EYS: variants seen among roughly 807,000 people sequenced by gnomAD.
The protein encoded by EYS is protein eyes shut homolog.
Under a neutral mutation model 282.1 loss-of-function variants are expected in EYS, and 250 were observed. The ratio of observed to expected loss-of-function variants is 0.89; its 90% CI spans 0.80 to 0.98. The LOEUF (loss-of-function observed/expected upper bound fraction) is 0.98. EYS is among the 50% of genes least tolerant of loss of function. The pLI, the probability that EYS is intolerant of heterozygous loss-of-function variation, is 0.00. For missense variants in EYS, 4,016 were observed against 3,709.0 expected (o/e 1.08, Z -2.15); for synonymous variants, 1,355 against 1,282.9 (o/e 1.06, Z -1.20).
chr6:65,393,938 C>A (rs1000292414), intron 7 of EYS, among the ~76,000 whole-genome samples: 10 of 151,952 alleles, frequency 6.6e-5, no homozygotes, highest in African/African-American at 1.4e-4. Context: ...GCTTAGAAAG[C>A]AAAATTCTCT....
intron 22 of EYS, among the ~76,000 whole-genome samples, chr6:64,725,200 G>A (rs1395043626): frequency 6.6e-6 from 1 of 152,076 alleles, no homozygotes; most frequent in East Asian, 1.9e-4. Flanking sequence ...GTTCCCTTTG[G>A]ACCACGATGT....
intron 31 of EYS, among the ~76,000 whole-genome samples, chr6:64,145,422 A>G (rs745350670): frequency 6.6e-6 from 1 of 152,232 alleles, no homozygotes; most frequent in Non-Finnish European, 1.5e-5. Flanking sequence ...TAGAAATAAA[A>G]GTGTGATTAC....
In EYS at chr6:65,425,275, G is replaced by A. The variant is rs575913316; in HGVS notation, c.863-19908C>T. ...GATGTGTTCTCCATGATCATGAAGA[G>A]AATTAATATAGTCAATTTTAAATAG... On this transcript the variant is annotated intron_variant, in intron 5 of 42. Coordinates refer to ENST00000503581, the MANE Select transcript of EYS (RefSeq NM_001142800.2). Among the ~76,000 whole-genome samples the A allele has an allele frequency of 2.6e-5, 4 of 152,168 alleles. No homozygotes were observed. The East Asian group carries it at 7.7e-4, about 29-fold the overall frequency.
intron 13 of EYS, among the ~76,000 whole-genome samples, chr6:65,038,357 CCTTTT>C (rs1772832007): frequency 6.6e-6 from 1 of 150,932 alleles, no homozygotes; most frequent in Admixed American, 6.6e-5. Flanking sequence ...ATAATAGGTC[CCTTTT>C]CTTTTATCTT....
chr6:64,723,246 C>T (rs150448844), intron 22 of EYS, among the ~76,000 whole-genome samples: 92 of 152,226 alleles, frequency 6.0e-4, no homozygotes, highest in African/African-American at 2.1e-3. Context: ...TTATCCTTGT[C>T]AGTCACATGT....
chr6:65,388,652 G>A (rs1259380932), intron 7 of EYS, among the ~76,000 whole-genome samples: 1 of 152,074 alleles, frequency 6.6e-6, no homozygotes, highest in African/African-American at 2.4e-5. Context: ...GATGGTGGCA[G>A]AGAGATAGGC....
At chr6:64,957,473 T>TAA (rs568593684) in intron 14 of EYS, among the ~76,000 whole-genome samples, 1 of 142,928 alleles carries the variant, frequency 7.0e-6, no homozygotes, top group Non-Finnish European at 1.5e-5. Flanking sequence ...GGTTAATGGA[T>TAA]AAAAAAAAAA....
At chr6:64,572,034 A>C (rs189728151) in intron 26 of EYS, among the ~76,000 whole-genome samples, 7 of 152,266 alleles carry the variant, frequency 4.6e-5, no homozygotes, top group Admixed American at 1.3e-4. Flanking sequence ...AATCCTCAAG[A>C]AAATACCGGC....
intron 15 of EYS, among the ~76,000 whole-genome samples, chr6:64,919,042 T>C (rs920930907): frequency 6.6e-6 from 1 of 152,194 alleles, no homozygotes; most frequent in African/African-American, 2.4e-5. Context: ...TTTTATAGAA[T>C]CTTAGGTACA....
chr6:64,585,849 C>T (rs1350975094), intron 26 of EYS, among the ~76,000 whole-genome samples: 2 of 151,916 alleles, frequency 1.3e-5, no homozygotes, highest in East Asian at 3.9e-4. Context: ...CTTATTTGGC[C>T]TTGTTTGGAA....
chr6:65,492,706 C>T (rs952694165), intron 4 of EYS, among the ~76,000 whole-genome samples: 12 of 152,166 alleles, frequency 7.9e-5, no homozygotes, highest in Non-Finnish European at 1.6e-4. Flanking sequence ...AGAGGTATAA[C>T]TTGCACCTTC....
chr6:63,987,571 G>A (rs141578699), intron 34 of EYS, among the ~76,000 whole-genome samples: 21 of 151,776 alleles, frequency 1.4e-4, no homozygotes, highest in African/African-American at 4.8e-4. Flanking sequence ...TAAATAATCT[G>A]GAAATAAGAC....
chr6:64,924,727 T>C (rs911661794), intron 15 of EYS, among the ~76,000 whole-genome samples: 3 of 152,140 alleles, frequency 2.0e-5, no homozygotes, highest in Admixed American at 6.5e-5. Flanking sequence ...AGGGGCAAAA[T>C]TCCACCAGTC....
At chr6:64,863,304 C>A (rs756455608) in intron 19 of EYS, among the ~76,000 whole-genome samples, 2 of 152,080 alleles carry the variant, frequency 1.3e-5, no homozygotes, top group African/African-American at 4.8e-5. Context: ...TCTGTTGAGA[C>A]TTTTACCTAT....
chr6:64,483,429 T>C (rs933415280), intron 26 of EYS, among the ~76,000 whole-genome samples: 1 of 151,732 alleles, frequency 6.6e-6, no homozygotes, highest in Non-Finnish European at 1.5e-5. Context: ...CAGTGGCTTC[T>C]TTCATGTGAA....
At chr6:64,228,970 T>G (rs967517933) in intron 31 of EYS, among the ~76,000 whole-genome samples, 7 of 152,058 alleles carry the variant, frequency 4.6e-5, no homozygotes, top group African/African-American at 1.7e-4. Context: ...GGAGATACAC[T>G]AACATTAAAA....
At chr6:65,276,198 T>A (rs1768043450) in intron 12 of EYS, among the ~76,000 whole-genome samples, 1 of 152,126 alleles carries the variant, frequency 6.6e-6, no homozygotes, top group South Asian at 2.1e-4. Flanking sequence ...ACAAGGTTCT[T>A]TAGAAGGCTG....
Position 64,654,766 on chromosome 6 carries a change from T to A in EYS, c.3444-28521A>T, listed in dbSNP as rs183029198. ...GTCACGAATAAATCTCATTAACTGCTCCACTCCAAATGGCCACTTCTGTCA... is the reference window on the plus strand; with the variant it reads ...GTCACGAATAAATCTCATTAACTGCACCACTCCAAATGGCCACTTCTGTCA... On this transcript the variant is annotated intron_variant, in intron 22 of 42. Transcript: ENST00000503581. 2.7e-3 allele frequency among the ~76,000 whole-genome samples: 409 copies of A among 152,310 alleles called. 2 individuals are homozygous for A. Among genetic ancestry groups the A allele is most frequent in the African/African-American group, 9.4e-3 (389 of 41,562 alleles).
chr6:65,279,991 A>C (rs1768172026), intron 12 of EYS, among the ~76,000 whole-genome samples: 1 of 152,200 alleles, frequency 6.6e-6, no homozygotes, highest in Admixed American at 6.5e-5. Flanking sequence ...GAGCATTTTC[A>C]GTATCACTTG....
Sources: gnomAD v4.1 joint callset for allele counts (sites outside exome capture counted in the v4.1 genomes callset) on GRCh38, gnomAD v4.1.1 for gene constraint, MANE v1.5 for transcripts, NCBI Gene and HGNC (gene_info 2026-07-23, HGNC 2026-07-21) for gene names.